The following HUNK variants were observed in gnomAD, a reference collection of about 807,000 sequenced individuals.
HUNK encodes hormonally up-regulated Neu-associated kinase.
A neutral mutation model predicts 61.0 loss-of-function variants in HUNK; 21 were observed. The observed-to-expected ratio is 0.34, with a 90% CI of 0.24 to 0.50. HUNK has a LOEUF of 0.50. Ranked by LOEUF, HUNK falls within the 20% of genes least tolerant of loss-of-function variation. HUNK has a pLI of 0.98. For missense variants in HUNK, 772 were observed against 945.7 expected (o/e 0.82, Z 2.41); for synonymous variants, 371 against 386.1 (o/e 0.96, Z 0.46).
chr21:31,938,605 C>T (rs116071393), intron 2 of HUNK, among the ~76,000 whole-genome samples: 153 of 152,276 alleles, frequency 1.0e-3, no homozygotes, highest in African/African-American at 3.2e-3. Flanking sequence ...AACATGATTA[C>T]GCCATTCAGT....
intron 2 of HUNK, among the ~76,000 whole-genome samples, chr21:31,926,830 G>A (rs185206503): frequency 2.3e-3 from 348 of 151,684 alleles, no homozygotes; most frequent in African/African-American, 7.7e-3. Context: ...GGAATTGCTG[G>A]GTCATATGTC....
At chr21:31,892,373 T>C (rs1184988439) in intron 1 of HUNK, among the ~76,000 whole-genome samples, 1 of 151,154 alleles carries the variant, frequency 6.6e-6, no homozygotes, top group Non-Finnish European at 1.5e-5. Context: ...CAAGACCAGC[T>C]TGGCCAACAT....
At chr21:31,912,687 C>T (rs1325443867) in intron 1 of HUNK, among the ~76,000 whole-genome samples, 2 of 152,198 alleles carry the variant, frequency 1.3e-5, no homozygotes, top group Non-Finnish European at 2.9e-5. Flanking sequence ...GAACACAGGC[C>T]TGCACCACCA....
At chr21:31,917,754 A>ACACACC (rs2052595322) in intron 1 of HUNK, among the ~76,000 whole-genome samples, 1 of 126,482 alleles carries the variant, frequency 7.9e-6, no homozygotes, top group Non-Finnish European at 1.7e-5. Flanking sequence ...ACACACACAC[A>ACACACC]CACCCCTGGA....
At chr21:31,946,752 T>C (rs2052806307) in intron 4 of HUNK, among the ~76,000 whole-genome samples, 1 of 152,066 alleles carries the variant, frequency 6.6e-6, no homozygotes, top group Non-Finnish European at 1.5e-5. Context: ...GTAGCTGAGA[T>C]TACAGGCATG....
At chr21:31,922,288 AT>A (rs1375167233) in intron 1 of HUNK, among the ~76,000 whole-genome samples, 1 of 147,938 alleles carries the variant, frequency 6.8e-6, no homozygotes, top group African/African-American at 2.5e-5. Context: ...AAGTGCTGGG[AT>A]TACAGGCACA....
At chr21:31,893,531 C>A (rs1395002183) in intron 1 of HUNK, among the ~76,000 whole-genome samples, 4 of 152,132 alleles carry the variant, frequency 2.6e-5, no homozygotes, top group African/African-American at 9.7e-5. Flanking sequence ...TGAGCCCCAA[C>A]ATGGGTATTA....
At chr21:31,918,571 G>A (rs1357117259) in intron 1 of HUNK, among the ~76,000 whole-genome samples, 1 of 152,220 alleles carries the variant, frequency 6.6e-6, no homozygotes, top group Non-Finnish European at 1.5e-5. Context: ...GACCTAAGGG[G>A]AGACTTGGAC....
chr21:31,902,422 A>G (rs1318436024), intron 1 of HUNK, among the ~76,000 whole-genome samples: 4 of 152,192 alleles, frequency 2.6e-5, no homozygotes, highest in Non-Finnish European at 5.9e-5. Flanking sequence ...AGGCAGGAGA[A>G]TCACTTGAAC....
At chr21:31,893,138 A>T (rs1319188879) in intron 1 of HUNK, among the ~76,000 whole-genome samples, 1 of 152,100 alleles carries the variant, frequency 6.6e-6, no homozygotes, top group Non-Finnish European at 1.5e-5. Flanking sequence ...TGGGAGTCCC[A>T]CAGAATATGA....
At chr21:31,953,374 A>G (rs1568933419) in intron 4 of HUNK, among the ~76,000 whole-genome samples, 1 of 151,962 alleles carries the variant, frequency 6.6e-6, no homozygotes, top group Non-Finnish European at 1.5e-5. Flanking sequence ...AGCTGGGAAT[A>G]TAGGCATGCA....
At chr21:31,978,465 AT>A (rs1022254533) in intron 7 of HUNK, among the ~76,000 whole-genome samples, 2 of 152,112 alleles carry the variant, frequency 1.3e-5, no homozygotes, top group Non-Finnish European at 2.9e-5. Context: ...CTTTTGACCA[AT>A]ATCTCTTCTG....
chr21:31,971,609 C>T (rs1296645236), intron 6 of HUNK, among the ~76,000 whole-genome samples: 2 of 152,122 alleles, frequency 1.3e-5, no homozygotes, highest in Non-Finnish European at 2.9e-5. Context: ...TAAGTGTTGT[C>T]AATATTTTTC....
intron 5 of HUNK, among the ~76,000 whole-genome samples, chr21:31,965,540 T>A (rs2052958556): frequency 6.6e-6 from 1 of 151,764 alleles, no homozygotes; most frequent in African/African-American, 2.4e-5. Flanking sequence ...GTGGTAAATG[T>A]ACCTCATGGC....
At chr21:31,935,532 C>A (rs2052727511) in intron 2 of HUNK, among the ~76,000 whole-genome samples, 1 of 152,022 alleles carries the variant, frequency 6.6e-6, no homozygotes, top group African/African-American at 2.4e-5. Flanking sequence ...ATTTTAACAC[C>A]CTAAAACCCC....
chr21:31,914,507 A>G (rs1219141955), intron 1 of HUNK, among the ~76,000 whole-genome samples: 1 of 151,504 alleles, frequency 6.6e-6, no homozygotes, highest in Admixed American at 6.6e-5. Context: ...TCTGCAGGGA[A>G]TCCCGTAGAA....
intron 1 of HUNK, among the ~76,000 whole-genome samples, chr21:31,902,938 ATGAGAT>A (rs1478185964): frequency 6.6e-6 from 1 of 152,112 alleles, no homozygotes; most frequent in African/African-American, 2.4e-5. Context: ...GTTTAATATA[ATGAGAT>A]TAACACTACT....
At position 31,904,684 on chromosome 21, in the gene HUNK, C is replaced by T. The variant is rs1313580003; in HGVS notation, c.262-19784C>T. ...TTCTTTTTTCCTTAGTTCTAGAATT[C>T]GTGATAAATTTTACTGGTGTTATGG... On this transcript the variant is annotated intron_variant, in intron 1 of 10. Coordinates refer to ENST00000270112, the MANE Select transcript of HUNK (RefSeq NM_014586.2). Among the ~76,000 whole-genome samples, 5 of 152,060 alleles carry T rather than the reference C, an allele frequency of 3.3e-5. No individual in the cohort carries two copies. The South Asian group carries it at 1.0e-3, about 32-fold the overall frequency.
At position 31,928,159 on chromosome 21, in the gene HUNK, C is replaced by T. The variant is rs186136041; in HGVS notation, c.554+3399C>T. Among the ~76,000 whole-genome samples the T allele has an allele frequency of 1.8e-3, 278 of 152,272 alleles. 6 individuals carry two copies. The highest frequency in any genetic ancestry group is 3.9e-4 in the East Asian group (2 of 5,180). On this transcript the variant is annotated intron_variant, in intron 2 of 10. Transcript: ENST00000270112. ...TCACAAGTGAATCAGCTTGGATCAC[C>T]GACTCCGCAGGTCACAGTGGAAAAT... is the stretch of plus-strand genomic sequence containing the variant.
Sources: gnomAD v4.1 joint callset for allele counts (sites outside exome capture counted in the v4.1 genomes callset) on GRCh38, gnomAD v4.1.1 for gene constraint, MANE v1.5 for transcripts, NCBI Gene and HGNC (gene_info 2026-07-23, HGNC 2026-07-21) for gene names.